Variants in UNC50 observed in about 807,000 individuals in gnomAD.
UNC50 encodes unc-50 inner nuclear membrane RNA binding protein, also known as protein unc-50 homolog.
Under a neutral mutation model 31.5 loss-of-function variants are expected in UNC50, and 24 were observed. That is an observed-to-expected ratio of 0.76 (90% CI 0.55 to 1.07). The LOEUF (loss-of-function observed/expected upper bound fraction) is 1.07. Ranked by LOEUF, UNC50 falls within the 50% of genes least tolerant of loss-of-function variation. The pLI is 0.00. For missense variants in UNC50, 245 were observed against 304.2 expected, an observed-to-expected ratio of 0.81 and a Z score of 1.45; for synonymous variants, 118 against 114.7, an observed-to-expected ratio of 1.03 and a Z score of -0.18.
intron 3 of UNC50, among the ~76,000 whole-genome samples, chr2:98,612,898 A>T (rs1022174059): frequency 5.9e-5 from 9 of 152,266 alleles, no homozygotes; most frequent in African/African-American, 2.2e-4. Flanking sequence ...CAATGTACAG[A>T]CTAATTTAAA....
Position 98,618,313 on chromosome 2 carries a change from AAG to A in UNC50, c.*11_*12del. ...AGTACAGAGTGAAATAAAAAGTGAG[AAG>A]AAGATTCAATCGTAACTGTGTCAAC... On this transcript the variant is annotated 3_prime_UTR_variant, in exon 6 of 6. Transcript: ENST00000357765. 1.3e-6 allele frequency: 2 copies of A among 1,587,478 alleles called. No individual in the cohort carries two copies. Among genetic ancestry groups the A allele is most frequent in the Non-Finnish European group, 1.7e-6 (2 of 1,172,354 alleles).
At chr2:98,616,154 A>AT (rs1472193937) in intron 3 of UNC50, 53 bp from the exon 4 acceptor site, 2 of 1,563,656 alleles carry the variant, frequency 1.3e-6, no homozygotes, top group African/African-American at 1.4e-5. Context: ...AGTCGTCAGT[A>AT]AACATTTACA....
chr2:98,617,233 C>G (rs983653396), intron 5 of UNC50, among the ~76,000 whole-genome samples: 1 of 152,194 alleles, frequency 6.6e-6, no homozygotes, highest in Non-Finnish European at 1.5e-5. Context: ...CTTACCCCTT[C>G]CTTTCCTGTT....
chr2:98,617,087 C>T (rs901461579), intron 5 of UNC50, among the ~76,000 whole-genome samples: 3 of 152,192 alleles, frequency 2.0e-5, no homozygotes, highest in Non-Finnish European at 4.4e-5. Context: ...GACATGTTTG[C>T]AGATTTACTG....
At chr2:98,611,183 A>T (rs1367750701) in intron 3 of UNC50, among the ~76,000 whole-genome samples, 2 of 152,258 alleles carry the variant, frequency 1.3e-5, no homozygotes, top group African/African-American at 4.8e-5. Flanking sequence ...TAGTTTGCCA[A>T]AGTTAAGGAC....
intron 5 of UNC50, among the ~76,000 whole-genome samples, chr2:98,617,302 G>A (rs921984125): frequency 2.0e-5 from 3 of 152,244 alleles, no homozygotes; most frequent in East Asian, 1.9e-4. Flanking sequence ...GCCTGGCTCC[G>A]GAGTTATTCC....
At chr2:98,612,461 G>C (rs2104178694) in intron 3 of UNC50, among the ~76,000 whole-genome samples, 1 of 151,614 alleles carries the variant, frequency 6.6e-6, no homozygotes, top group South Asian at 2.1e-4. Context: ...CCAGGCTGGA[G>C]TGCAATGGTG....
At position 98,616,508 on chromosome 2, in the gene UNC50, C is replaced by A; in HGVS notation, c.618C>A (p.Ile206=). The part of the protein sequence containing the change: ...TLWLVAVGYY[I]YVTFLGYSAL... ...GGTTGGTTGCAGTTGGCTATTATAT[C>A]TATGTAACTTTCCTGGGATACAGTG... is the stretch of plus-strand genomic sequence containing the variant. Residue 206 remains isoleucine, a synonymous_variant, in exon 5 of 6, where the codon ATC becomes ATA. Coordinates refer to ENST00000357765, the MANE Select transcript of UNC50 (RefSeq NM_014044.7). The A allele has an allele frequency of 6.2e-7, 1 of 1,613,700 alleles. No homozygotes were observed. The highest frequency in any genetic ancestry group is 8.5e-7 in the Non-Finnish European group (1 of 1,179,782).
chr2:98,609,909 C>A lies in UNC50; in HGVS notation c.150C>A (p.Ala50=). Residue 50 remains alanine (A), a synonymous_variant, in exon 2 of 6, where the codon GCC becomes GCA. Coordinates refer to ENST00000357765, the MANE Select transcript of UNC50 (RefSeq NM_014044.7). ...GGCAAATGGACTTTGAATTTGCTGCCTGGCAGATGCTCTACCTGTTCACAT... is the reference window on the plus strand; with the variant it reads ...GGCAAATGGACTTTGAATTTGCTGCATGGCAGATGCTCTACCTGTTCACAT... ...RFRQMDFEFA[A]WQMLYLFTSP... The A allele has an allele frequency of 6.2e-7, 1 of 1,614,166 alleles. No individual in the cohort carries two copies.
intron 5 of UNC50, 142 bp downstream of exon 5, chr2:98,616,675 A>C (rs1431763698): frequency 1.5e-6 from 1 of 667,410 alleles, no homozygotes; most frequent in African/African-American, 1.8e-5. Context: ...TTTAATCTTC[A>C]TGACAATTAC....
At chr2:98,612,441 A>G (rs1236738346) in intron 3 of UNC50, among the ~76,000 whole-genome samples, 4 of 148,950 alleles carry the variant, frequency 2.7e-5, no homozygotes, top group Non-Finnish European at 5.9e-5. Context: ...ACGAAGTCCC[A>G]CTCTGTCACC....
chr2:98,612,177 T>C (rs796827087), intron 3 of UNC50, among the ~76,000 whole-genome samples: 58 of 152,264 alleles, frequency 3.8e-4, no homozygotes, highest in African/African-American at 1.4e-3. Context: ...GACATGGTGG[T>C]CATTGTGGAG....
chr2:98,610,425 A>AT (rs1700806948), intron 2 of UNC50, among the ~76,000 whole-genome samples: 2 of 152,260 alleles, frequency 1.3e-5, no homozygotes, highest in South Asian at 4.1e-4. Context: ...CTCCAATTCC[A>AT]TAATGCAAGG....
At position 98,618,452 on chromosome 2, in the gene UNC50, G is replaced by A; in HGVS notation, c.*148G>A. ...TGAAGAAATATATATTAACACTGTG[G>A]TCAGGTACATTCCTTAAAACTAATT... On this transcript the variant is annotated 3_prime_UTR_variant, in exon 6 of 6. Coordinates refer to ENST00000357765, the MANE Select transcript of UNC50 (RefSeq NM_014044.7). 1 of 671,172 alleles carries A rather than the reference G, an allele frequency of 1.5e-6. No homozygotes were observed. Among genetic ancestry groups the A allele is most frequent in the Non-Finnish European group, 2.2e-6 (1 of 458,972 alleles). 41.6% of individuals were successfully genotyped at this position (671,172 alleles called of 1,614,324 possible).
intron 3 of UNC50, among the ~76,000 whole-genome samples, chr2:98,611,595 TAGG>T (rs578044418): frequency 3.0e-4 from 45 of 152,316 alleles, no homozygotes; most frequent in Middle Eastern, 6.8e-3. Flanking sequence ...AGGAATAAAA[TAGG>T]AGGCAAGTTT....
At chr2:98,617,129 T>C (rs769300439) in intron 5 of UNC50, among the ~76,000 whole-genome samples, 2 of 152,218 alleles carry the variant, frequency 1.3e-5, no homozygotes, top group African/African-American at 2.4e-5. Context: ...TTTTTCTTAA[T>C]ATGAATGAGG....
rs760642531 is a variant in UNC50, at chr2:98,609,828, A to G, written c.69A>G (p.Ala23=). The stretch of plus-strand genomic sequence containing the variant: ...GAGTCTTGAATTCCAGGGATGCGGC[A>G]AGACACACAGCCGGAGCGAAACGCT... ...GNGVLNSRDA[A]RHTAGAKRYK... is the part of the protein sequence containing the mutation. Residue 23 remains alanine, a synonymous_variant, in exon 2 of 6, where the codon GCA becomes GCG. Transcript: ENST00000357765. The G allele has an allele frequency of 1.2e-6, 2 of 1,614,116 alleles. No individual in the cohort carries two copies. Among genetic ancestry groups the G allele is most frequent in the Non-Finnish European group, 1.7e-6 (2 of 1,180,044 alleles).
At chr2:98,616,147 C>T in intron 3 of UNC50, 60 bp from the exon 4 acceptor site, 7 of 1,522,306 alleles carry the variant, frequency 4.6e-6, no homozygotes, top group Non-Finnish European at 5.4e-6. Flanking sequence ...CATAGAAAGT[C>T]GTCAGTAAAC....
chr2:98,614,285 A>G (rs1700885110), intron 3 of UNC50, among the ~76,000 whole-genome samples: 1 of 151,954 alleles, frequency 6.6e-6, no homozygotes, highest in African/African-American at 2.4e-5. Context: ...GAGAGGAGAG[A>G]TGGATTCGAG....
Sources: allele counts gnomAD v4.1 joint callset (sites outside exome capture counted in the v4.1 genomes callset), GRCh38; gene constraint gnomAD v4.1.1; transcripts MANE v1.5; gene names NCBI Gene and HGNC (gene_info 2026-07-23, HGNC 2026-07-21).